Variants in ATF2 observed in about 807,000 individuals in gnomAD.
ATF2 encodes the protein activating transcription factor 2.
ATF2 carries 24 observed loss-of-function variants against 60.6 expected under a neutral mutation model. The ratio of observed to expected loss-of-function variants is 0.40; its 90% CI spans 0.29 to 0.56. The LOEUF (loss-of-function observed/expected upper bound fraction) is 0.56. ATF2 is among the 20% of genes least tolerant of loss of function. The probability of loss-of-function intolerance (pLI) is 0.54; values close to 1 mark genes in which losing one functional copy is unlikely to be tolerated. For synonymous variants in ATF2, 206 were observed against 215.4 expected, an observed-to-expected ratio of 0.96 and a Z score of 0.38; for missense variants, 433 against 607.7, an observed-to-expected ratio of 0.71 and a Z score of 3.02.
chr2:175,158,589 G>C (rs1559126706), intron 1 of ATF2, among the ~76,000 whole-genome samples: 1 of 152,020 alleles, frequency 6.6e-6, no homozygotes, highest in African/African-American at 2.4e-5. Flanking sequence ...CGTCTGGGGG[G>C]AACACTGGAA....
chr2:175,152,076 C>A (rs989172402), intron 1 of ATF2, among the ~76,000 whole-genome samples: 1 of 152,064 alleles, frequency 6.6e-6, no homozygotes, highest in Non-Finnish European at 1.5e-5. Context: ...AGAACTGGAG[C>A]ATCTACCAAT....
intron 12 of ATF2, among the ~76,000 whole-genome samples, chr2:175,087,596 T>C (rs1218898641): frequency 1.3e-5 from 2 of 152,174 alleles, no homozygotes; most frequent in African/African-American, 4.8e-5. Context: ...TTTGACTTTC[T>C]ACTTCAGCCA....
At chr2:175,139,506 T>C (rs1052106633) in intron 2 of ATF2, among the ~76,000 whole-genome samples, 1 of 151,990 alleles carries the variant, frequency 6.6e-6, no homozygotes, top group South Asian at 2.1e-4. Context: ...ACCCCGTCTC[T>C]ACTAACAATA....
At chr2:175,127,575 C>CT (rs1053584550) in intron 4 of ATF2, among the ~76,000 whole-genome samples, 10 of 152,180 alleles carry the variant, frequency 6.6e-5, no homozygotes, top group Admixed American at 5.2e-4. Flanking sequence ...TAGGATATGT[C>CT]TTTTTTTCTG....
Position 175,153,262 on chromosome 2 carries a change from C to T in ATF2, c.-142-2104G>A, listed in dbSNP as rs112875404. Among the ~76,000 whole-genome samples the T allele has an allele frequency of 4.1e-3, 625 of 152,242 alleles. 4 individuals carry two copies. The highest frequency in any genetic ancestry group is 0.014 in the African/African-American group (590 of 41,538). On this transcript the variant is annotated intron_variant, in intron 1 of 13. Coordinates refer to ENST00000264110, the MANE Select transcript of ATF2 (RefSeq NM_001880.4). ...AGATGTAAGGAGCCTCTGCTTTGCC[C>T]CCACTACCTGACTTATTGTAGACGT... is the stretch of plus-strand genomic sequence containing the variant.
chr2:175,130,072 T>G, intron 4 of ATF2, 66 bp downstream of exon 4: 2 of 1,172,600 alleles, frequency 1.7e-6, no homozygotes, highest in Non-Finnish European at 2.4e-6. Flanking sequence ...AGTGATAACA[T>G]ATTATATCAT....
chr2:175,095,348 TC>T (rs1694862789), intron 11 of ATF2, among the ~76,000 whole-genome samples: 1 of 152,206 alleles, frequency 6.6e-6, no homozygotes, highest in African/African-American at 2.4e-5. Flanking sequence ...CGCCTCAGGC[TC>T]CCAAAGTGCT....
At chr2:175,081,848 C>G (rs557649961) in intron 12 of ATF2, among the ~76,000 whole-genome samples, 2 of 152,248 alleles carry the variant, frequency 1.3e-5, no homozygotes, top group African/African-American at 4.8e-5. Flanking sequence ...GTCAGGAGTT[C>G]AAGACCAGCC....
chr2:175,099,241 T>C (rs1331267783), intron 10 of ATF2, among the ~76,000 whole-genome samples: 1 of 151,904 alleles, frequency 6.6e-6, no homozygotes, highest in Non-Finnish European at 1.5e-5. Flanking sequence ...GGAGCTGGGA[T>C]TACAGGTGCA....
intron 12 of ATF2, among the ~76,000 whole-genome samples, chr2:175,089,569 TTACAAGTCA>T (rs1694400998): frequency 6.6e-6 from 1 of 152,222 alleles, no homozygotes; most frequent in Non-Finnish European, 1.5e-5. Context: ...TCAATTTTCT[TTACAAGTCA>T]TTCTGTTCTT....
intron 10 of ATF2, among the ~76,000 whole-genome samples, chr2:175,104,441 T>C (rs1695505518): frequency 6.6e-6 from 1 of 151,744 alleles, no homozygotes; most frequent in Non-Finnish European, 1.5e-5. Context: ...AAAGAAGAAA[T>C]TACAAGTTTT....
chr2:175,083,913 C>T (rs373408141), intron 12 of ATF2, among the ~76,000 whole-genome samples: 4 of 152,126 alleles, frequency 2.6e-5, no homozygotes, highest in Non-Finnish European at 4.4e-5. Context: ...CACTGGCCAT[C>T]GGAGAAATGC....
chr2:175,084,535 C>A (rs1694014005), intron 12 of ATF2, among the ~76,000 whole-genome samples: 2 of 148,366 alleles, frequency 1.3e-5, no homozygotes, highest in Admixed American at 6.7e-5. Context: ...AGGAGATATA[C>A]CTAATGCTAA....
At position 175,130,684 on chromosome 2, in the gene ATF2, T is replaced by C. The variant is rs1326207577; in HGVS notation, c.33-477A>G. 2.6e-5 allele frequency among the ~76,000 whole-genome samples: 4 copies of C among 152,142 alleles called. No individual in the cohort carries two copies. In the East Asian group the frequency reaches 7.7e-4, roughly 29 times the overall value. ...ATCAACATGTCTAAAAACAAACTCT[T>C]AAATCCCTTCTTAAATTTACACCTT... is the stretch of plus-strand genomic sequence containing the variant. On this transcript the variant is annotated intron_variant, in intron 3 of 13. Transcript: ENST00000264110.
intron 2 of ATF2, among the ~76,000 whole-genome samples, chr2:175,144,907 T>C (rs1482090070): frequency 2.6e-5 from 4 of 152,168 alleles, no homozygotes; most frequent in Non-Finnish European, 4.4e-5. Flanking sequence ...GAGTGCCTAA[T>C]GGCACCAGGC....
At chr2:175,093,354 C>A in intron 11 of ATF2, 87 bp from the exon 12 acceptor site, 1 of 1,319,460 alleles carries the variant, frequency 7.6e-7, no homozygotes, top group Non-Finnish European at 1.0e-6. Context: ...AGGGGGAGAG[C>A]AACTGTATTT....
chr2:175,163,923 A>AAAAAAAAAAAAAG (rs1244050907), intron 1 of ATF2, among the ~76,000 whole-genome samples: 1 of 147,968 alleles, frequency 6.8e-6, no homozygotes, highest in Non-Finnish European at 1.5e-5. Context: ...CGTCTCAAAA[A>AAAAAAAAAAAAAG]AAAAAAAAAG....
intron 1 of ATF2, among the ~76,000 whole-genome samples, chr2:175,162,137 T>C (rs1360286391): frequency 6.6e-6 from 1 of 152,212 alleles, no homozygotes; most frequent in Non-Finnish European, 1.5e-5. Context: ...CTAAGAATTA[T>C]TGTTACCAGT....
At chr2:175,117,965 C>T (rs1407932394) in intron 7 of ATF2, 25 bp downstream of exon 7, 2 of 1,584,098 alleles carry the variant, frequency 1.3e-6, no homozygotes, top group African/African-American at 2.7e-5. Flanking sequence ...CTCCCCCTTA[C>T]TTTGTATTTC....
Sources: gnomAD v4.1 joint callset for allele counts (sites outside exome capture counted in the v4.1 genomes callset) on GRCh38, gnomAD v4.1.1 for gene constraint, MANE v1.5 for transcripts, NCBI Gene and HGNC (gene_info 2026-07-23, HGNC 2026-07-21) for gene names.